DAPK1: variants seen among roughly 807,000 people sequenced by gnomAD.
The protein encoded by DAPK1 is death associated protein kinase 1.
In DAPK1, 56 loss-of-function variants were observed where a neutral mutation model predicts 144.9. The ratio of observed to expected loss-of-function variants is 0.39; its 90% CI spans 0.31 to 0.48. The LOEUF (loss-of-function observed/expected upper bound fraction) is 0.48, where lower values mean the gene tolerates loss of function less well. Among genes scored for constraint, DAPK1 ranks in the 20% least tolerant of loss-of-function variants. The probability of loss-of-function intolerance (pLI) is 0.95; values close to 1 mark genes in which losing one functional copy is unlikely to be tolerated. For missense variants in DAPK1, 1,454 were observed against 1,875.4 expected (o/e 0.78, Z 4.15); for synonymous variants, 690 against 749.0 (o/e 0.92, Z 1.29).
chr9:87,632,188 G>A (rs1829715278), intron 3 of DAPK1: 1 of 926,676 alleles, frequency 1.1e-6, no homozygotes, highest in African/African-American at 1.8e-5. Context: ...GAGTATATAT[G>A]TAGAATGAAG....
intron 2 of DAPK1, among the ~76,000 whole-genome samples, chr9:87,501,176 G>A (rs562327981): frequency 9.5e-4 from 145 of 152,276 alleles, no homozygotes; most frequent in African/African-American, 3.4e-3. Context: ...TGGCACAAAT[G>A]CAAGGTCATT....
intron 2 of DAPK1, among the ~76,000 whole-genome samples, chr9:87,548,395 C>T (rs1348689909): frequency 6.6e-6 from 1 of 152,180 alleles, no homozygotes; most frequent in East Asian, 1.9e-4. Flanking sequence ...TGATTCTCTC[C>T]TATATTTTCT....
intron 2 of DAPK1, among the ~76,000 whole-genome samples, chr9:87,506,441 T>G (rs1824597164): frequency 6.6e-6 from 1 of 152,236 alleles, no homozygotes. Context: ...TGTCAACATG[T>G]GGCGTAGTTT....
At chr9:87,497,757 G>C (rs1276881071), upstream of DAPK1, 6 of 316,354 alleles carry the variant, frequency 1.9e-5, no homozygotes, top group Non-Finnish European at 2.9e-5. Context: ...CGCCGGCCTG[G>C]CAGGGCAGCT....
chr9:87,510,135 C>A (rs1461746575), intron 2 of DAPK1, among the ~76,000 whole-genome samples: 2 of 152,140 alleles, frequency 1.3e-5, no homozygotes, highest in Non-Finnish European at 2.9e-5. Context: ...CAGGATGAAA[C>A]GTTGTCAGTC....
chr9:87,641,888 G>T, intron 9 of DAPK1, 81 bp from the exon 10 acceptor site: 1 of 1,086,136 alleles, frequency 9.2e-7, no homozygotes, highest in Non-Finnish European at 1.4e-6. Flanking sequence ...TCCTGAATAA[G>T]GAGATGTTTC....
chr9:87,689,813 T>C lies in DAPK1; in HGVS notation c.2413+3074T>C, dbSNP rs1356279505. ...TTGCCTCTGTCAAGTTATTTGGCTATGAATACCTGGATTTATTTCTGAGTT... is the reference window on the plus strand; with the variant it reads ...TTGCCTCTGTCAAGTTATTTGGCTACGAATACCTGGATTTATTTCTGAGTT... On this transcript the variant is annotated intron_variant, in intron 21 of 25. Coordinates refer to ENST00000408954, the MANE Select transcript of DAPK1 (RefSeq NM_004938.4). 2.6e-5 allele frequency among the ~76,000 whole-genome samples: 4 copies of C among 152,226 alleles called. No individual in the cohort carries two copies. In the East Asian group the frequency reaches 5.8e-4, roughly 22 times the overall value.
chr9:87,548,148 A>G (rs1826330116), intron 2 of DAPK1, among the ~76,000 whole-genome samples: 1 of 152,202 alleles, frequency 6.6e-6, no homozygotes, highest in Admixed American at 6.5e-5. Flanking sequence ...CTGAGGTCAC[A>G]CAGCCAGCAA....
chr9:87,518,102 G>GTT (rs1405931107), intron 2 of DAPK1, among the ~76,000 whole-genome samples: 4 of 38,364 alleles, frequency 1.0e-4, no homozygotes, highest in African/African-American at 1.7e-4. Flanking sequence ...CGTTTATGTT[G>GTT]TTGTTTTTTT....
At chr9:87,608,631 G>T (rs1365270080) in intron 3 of DAPK1, among the ~76,000 whole-genome samples, 2 of 152,208 alleles carry the variant, frequency 1.3e-5, no homozygotes, top group African/African-American at 4.8e-5. Flanking sequence ...CACCAGTGGG[G>T]CTCTGTACTG....
chr9:87,571,070 T>G (rs1474160043), intron 2 of DAPK1, among the ~76,000 whole-genome samples: 1 of 152,182 alleles, frequency 6.6e-6, no homozygotes, highest in Non-Finnish European at 1.5e-5. Flanking sequence ...GGCTGTTTAG[T>G]TCATTAAAGA....
chr9:87,525,389 G>A lies in DAPK1; in HGVS notation c.62+26250G>A, dbSNP rs17053048. The A allele has an allele frequency of 3.2e-5, 51 of 1,611,414 alleles. 1 individual carries two copies. The South Asian group carries it at 3.8e-4, about 12-fold the overall frequency. ...TTGCGTGTGTTCAAACAACCGGCAC[G>A]GTCTGATCCGGAAATATGGCCTCAA... On this transcript the variant is annotated intron_variant, in intron 2 of 25. Coordinates refer to ENST00000408954, the MANE Select transcript of DAPK1 (RefSeq NM_004938.4).
At chr9:87,618,181 A>G (rs1829167229) in intron 3 of DAPK1, among the ~76,000 whole-genome samples, 4 of 152,222 alleles carry the variant, frequency 2.6e-5, no homozygotes. Context: ...ACATGAATAG[A>G]TGCTCAATAT....
chr9:87,511,079 G>T (rs1203588206), intron 2 of DAPK1, among the ~76,000 whole-genome samples: 1 of 152,180 alleles, frequency 6.6e-6, no homozygotes, highest in Non-Finnish European at 1.5e-5. Context: ...CCCACAGGCA[G>T]AGTGCGGGTG....
Position 87,646,542 on chromosome 9 carries a change from A to G in DAPK1, c.1213A>G (p.Ile405Val). ...LQLLIKRGSR[I>V]DVQDKGGSNA... ...GTTGCTCATTAAAAGAGGCTCGAGA[A>G]TCGATGTCCAGGATAAGGTCATAAT... Residue 405 changes from isoleucine (I) to valine (V), a missense_variant, in exon 13 of 26, where the codon ATC becomes GTC. By Grantham distance (29) the Ile-to-Val change is conservative (BLOSUM62 3). Transcript: ENST00000408954. 1.2e-6 allele frequency: 2 copies of G among 1,610,712 alleles called. No individual in the cohort carries two copies. Among genetic ancestry groups the G allele is most frequent in the Non-Finnish European group, 1.7e-6 (2 of 1,176,846 alleles).
intron 21 of DAPK1, among the ~76,000 whole-genome samples, chr9:87,687,445 T>C (rs942902438): frequency 2.6e-5 from 4 of 152,214 alleles, no homozygotes; most frequent in Non-Finnish European, 4.4e-5. Context: ...GTTCTATCCA[T>C]GTTGCTGCAA....
At chr9:87,497,780 G>GGCCGC (rs1824220392), upstream of DAPK1, 2 of 349,684 alleles carry the variant, frequency 5.7e-6, no homozygotes, top group Non-Finnish European at 1.0e-5. Context: ...GAGGTGGGTG[G>GGCCGC]GCCGCGCCGC....
At position 87,640,424 on chromosome 9, in the gene DAPK1, A is replaced by G; in HGVS notation, c.756A>G (p.Ile252Met). 1.2e-6 allele frequency: 2 copies of G among 1,614,148 alleles called. No homozygotes were observed. Among genetic ancestry groups the G allele is most frequent in the African/African-American group, 1.3e-5 (1 of 75,066 alleles). ...SNTSALAKDF[I>M]RRLLVKDPKK... The stretch of plus-strand genomic sequence containing the variant: ...CCAGTGCCCTAGCCAAAGATTTCAT[A>G]AGAAGACTTCTGGTCAAGGATCCAA... Residue 252 changes from isoleucine to methionine, a missense_variant, in exon 8 of 26, where the codon ATA becomes ATG. By Grantham distance (10) the Ile-to-Met change is conservative. Transcript: ENST00000408954.
chr9:87,551,037 C>T (rs939708886), intron 2 of DAPK1, among the ~76,000 whole-genome samples: 2 of 152,232 alleles, frequency 1.3e-5, no homozygotes, highest in African/African-American at 4.8e-5. Flanking sequence ...CCACCTTGGC[C>T]AGCAGCCGGG....
Sources: allele counts gnomAD v4.1 joint callset (sites outside exome capture counted in the v4.1 genomes callset), GRCh38; gene constraint gnomAD v4.1.1; transcripts MANE v1.5; gene names NCBI Gene and HGNC (gene_info 2026-07-23, HGNC 2026-07-21).